The following CADM2 variants were observed in gnomAD, a reference collection of about 807,000 sequenced individuals.
The protein encoded by CADM2 is immunoglobulin superfamily member 4D.
In CADM2, 12 loss-of-function variants were observed where a neutral mutation model predicts 49.8. The ratio of observed to expected loss-of-function variants is 0.24; its 90% CI spans 0.15 to 0.39. The LOEUF (loss-of-function observed/expected upper bound fraction) is 0.39. Among genes scored for constraint, CADM2 ranks in the 10% least tolerant of loss-of-function variants. The pLI, the probability that CADM2 is intolerant of heterozygous loss-of-function variation, is 1.00. For synonymous variants in CADM2, 214 were observed against 175.4 expected (o/e 1.22, Z -1.74); for missense variants, 378 against 492.3 (o/e 0.77, Z 2.20).
intron 8 of CADM2, among the ~76,000 whole-genome samples, chr3:86,002,486 G>A (rs1368061621): frequency 6.6e-6 from 1 of 152,092 alleles, no homozygotes; most frequent in African/African-American, 2.4e-5. Flanking sequence ...AAGTCACCTG[G>A]ATTCAAGTCC....
At chr3:85,894,228 T>A (rs1174702331) in intron 5 of CADM2, among the ~76,000 whole-genome samples, 1 of 152,164 alleles carries the variant, frequency 6.6e-6, no homozygotes, top group African/African-American at 2.4e-5. Flanking sequence ...ACCATCATTC[T>A]CAGCAAACTA....
chr3:85,356,674 C>T (rs2031888977), intron 1 of CADM2, among the ~76,000 whole-genome samples: 1 of 152,118 alleles, frequency 6.6e-6, no homozygotes. Context: ...CAGATAATAA[C>T]ATAGTAGAAC....
At chr3:85,623,157 C>T (rs1021363018) in intron 1 of CADM2, among the ~76,000 whole-genome samples, 1 of 152,110 alleles carries the variant, frequency 6.6e-6, no homozygotes, top group African/African-American at 2.4e-5. Context: ...CTTAACACCA[C>T]TAGTTTCAAG....
chr3:85,720,901 T>G (rs575682237), intron 1 of CADM2, among the ~76,000 whole-genome samples: 2 of 152,242 alleles, frequency 1.3e-5, no homozygotes, highest in Non-Finnish European at 2.9e-5. Flanking sequence ...GAATTTCCCC[T>G]TTTCAAATCA....
At position 85,313,959 on chromosome 3, in the gene CADM2, C is replaced by T. The variant is rs367691538; in HGVS notation, c.61+354291C>T. The stretch of plus-strand genomic sequence containing the variant: ...AGGCTGGAGTGCAGTCGTGCGATCT[C>T]GACTCACTGCAACCTCCAGCTCCTG... On this transcript the variant is annotated intron_variant, in intron 1 of 9. Coordinates refer to ENST00000383699, the MANE Select transcript of CADM2 (RefSeq NM_001167675.2). Among the ~76,000 whole-genome samples the T allele has an allele frequency of 4.6e-3, 698 of 152,258 alleles. 6 individuals are homozygous for T. Among genetic ancestry groups the T allele is most frequent in the African/African-American group, 0.016 (673 of 41,558 alleles).
At chr3:85,313,921 CT>C (rs2044403056) in intron 1 of CADM2, among the ~76,000 whole-genome samples, 1 of 152,190 alleles carries the variant, frequency 6.6e-6, no homozygotes, top group Non-Finnish European at 1.5e-5. Context: ...GATGGAGTCT[CT>C]CTCTGTCACC....
At chr3:85,399,705 T>C (rs2034997259) in intron 1 of CADM2, among the ~76,000 whole-genome samples, 1 of 152,178 alleles carries the variant, frequency 6.6e-6, no homozygotes, top group Non-Finnish European at 1.5e-5. Context: ...TCTTGTAAGT[T>C]GGATTCCTAG....
chr3:85,331,117 G>A (rs565985341), intron 1 of CADM2, among the ~76,000 whole-genome samples: 10 of 151,912 alleles, frequency 6.6e-5, no homozygotes, highest in African/African-American at 2.2e-4. Flanking sequence ...AACATTTTTC[G>A]TTTATGTTAG....
intron 1 of CADM2, among the ~76,000 whole-genome samples, chr3:85,506,573 AT>A (rs1221921941): frequency 9.3e-5 from 14 of 150,882 alleles, no homozygotes; most frequent in Non-Finnish European, 1.9e-4. Context: ...TTTTTTTTTT[AT>A]TTTTTTAAGA....
At chr3:85,926,623 A>G (rs1489382857) in intron 6 of CADM2, among the ~76,000 whole-genome samples, 1 of 152,134 alleles carries the variant, frequency 6.6e-6, no homozygotes, top group Non-Finnish European at 1.5e-5. Context: ...AAATTTCTAA[A>G]TTTCCGTTAG....
chr3:85,683,469 C>T (rs1028398705), intron 1 of CADM2, among the ~76,000 whole-genome samples: 7 of 152,130 alleles, frequency 4.6e-5, no homozygotes, highest in Non-Finnish European at 1.0e-4. Context: ...TAACTTCAAA[C>T]ATAAAATATT....
At chr3:85,922,731 G>A (rs1178003305) in intron 6 of CADM2, among the ~76,000 whole-genome samples, 1 of 151,856 alleles carries the variant, frequency 6.6e-6, no homozygotes, top group East Asian at 1.9e-4. Flanking sequence ...GTTTTACCCA[G>A]AAGAATACAA....
intron 1 of CADM2, among the ~76,000 whole-genome samples, chr3:85,434,131 A>G (rs2036816984): frequency 6.6e-6 from 1 of 152,106 alleles, no homozygotes; most frequent in Non-Finnish European, 1.5e-5. Context: ...ATCTACTAAA[A>G]TTTTAACAAT....
intron 8 of CADM2, among the ~76,000 whole-genome samples, chr3:86,057,563 A>C (rs1738137822): frequency 6.6e-6 from 1 of 152,202 alleles, no homozygotes. Context: ...GAACTGTGTA[A>C]AAGTGCTGTT....
At chr3:85,346,138 A>G (rs1033110004) in intron 1 of CADM2, among the ~76,000 whole-genome samples, 3 of 152,208 alleles carry the variant, frequency 2.0e-5, no homozygotes, top group African/African-American at 4.8e-5. Flanking sequence ...TCAGCCAGGT[A>G]TGGAAAACCG....
chr3:85,355,667 CAT>C (rs752959488), intron 1 of CADM2, among the ~76,000 whole-genome samples: 38 of 151,990 alleles, frequency 2.5e-4, no homozygotes, highest in Non-Finnish European at 4.0e-4. Context: ...ATCGCGAAAA[CAT>C]AGAGTTGCGA....
chr3:85,028,958 A>G (rs1322887260), intron 1 of CADM2, among the ~76,000 whole-genome samples: 4 of 151,632 alleles, frequency 2.6e-5, no homozygotes, highest in Non-Finnish European at 1.5e-5. Context: ...GAAATAAAAC[A>G]GTATGTGAAT....
intron 7 of CADM2, among the ~76,000 whole-genome samples, chr3:85,952,316 T>G (rs1475552402): frequency 6.6e-6 from 1 of 150,976 alleles, no homozygotes; most frequent in Non-Finnish European, 1.5e-5. Context: ...TGTATTGCCT[T>G]TTCTTATTTT....
chr3:85,022,921 TATATA>T (rs1321444819), intron 1 of CADM2, among the ~76,000 whole-genome samples: 1 of 152,090 alleles, frequency 6.6e-6, no homozygotes, highest in Non-Finnish European at 1.5e-5. Context: ...ATATGGTAAC[TATATA>T]ATATGAATCC....
Sources: allele counts gnomAD v4.1 joint callset (sites outside exome capture counted in the v4.1 genomes callset), GRCh38; gene constraint gnomAD v4.1.1; transcripts MANE v1.5; gene names NCBI Gene and HGNC (gene_info 2026-07-23, HGNC 2026-07-21).